POLR2C: variants seen among roughly 807,000 people sequenced by gnomAD.
POLR2C encodes the protein RNA polymerase II subunit C.
In POLR2C, 36 loss-of-function variants were observed where a neutral mutation model predicts 41.7. The observed-to-expected ratio is 0.86, with a 90% CI of 0.66 to 1.14. The LOEUF (loss-of-function observed/expected upper bound fraction) is 1.14, where lower values mean the gene tolerates loss of function less well. POLR2C is among the 50% of genes most tolerant of loss of function. The pLI, the probability that POLR2C is intolerant of heterozygous loss-of-function variation, is 0.00. For synonymous variants in POLR2C, 133 were observed against 137.8 expected, an observed-to-expected ratio of 0.96 and a Z score of 0.25; for missense variants, 260 against 350.4, an observed-to-expected ratio of 0.74 and a Z score of 2.06.
At chr16:57,465,888 C>A in intron 2 of POLR2C, 65 bp from the exon 3 acceptor site, 1 of 977,624 alleles carries the variant, frequency 1.0e-6, no homozygotes, top group South Asian at 1.3e-5. Flanking sequence ...TCTTGAGAAC[C>A]ACTGCATTAA....
rs536816128 is a variant in POLR2C at position 57,467,929 on chromosome 16, C to T, written c.259-1236C>T. 2.6e-5 allele frequency among the ~76,000 whole-genome samples: 4 copies of T among 152,290 alleles called. No individual in the cohort carries two copies. In the South Asian group the frequency reaches 6.2e-4, roughly 24 times the overall value. ...TTTTCATCTCAAACAGACTCCTCTC[C>T]TTTCAGTACATTTTTTTTAGGTTAA... On this transcript the variant is annotated intron_variant, in intron 4 of 8. Coordinates refer to ENST00000219252, the MANE Select transcript of POLR2C (RefSeq NM_032940.3).
In POLR2C at chr16:57,471,874, A is replaced by G. The variant is rs1247131028; in HGVS notation, c.*755A>G. 2 of 152,610 alleles carry G rather than the reference A, an allele frequency of 1.3e-5. No homozygotes were observed. Among genetic ancestry groups the G allele is most frequent in the African/African-American group, 4.8e-5 (2 of 41,470 alleles). 9.5% of individuals were successfully genotyped at this position (152,610 alleles called of 1,614,324 possible). ...CTCAGCACTGTCTCCAGATAGGAAC[A>G]TGCACAAAGCAGTTAATTAGGCAGC... On this transcript the variant is annotated 3_prime_UTR_variant, in exon 9 of 9. Transcript: ENST00000219252.
rs146083652 is a variant in POLR2C, at chr16:57,465,720, T to G, written c.137-233T>G. On this transcript the variant is annotated intron_variant, in intron 2 of 8. Transcript: ENST00000219252. ...TCTATGATATTCTATAAGTCAGTGTTTTCTGTGAAGCAGGGAGCCCCCTGC... is the reference window on the plus strand; with the variant it reads ...TCTATGATATTCTATAAGTCAGTGTGTTCTGTGAAGCAGGGAGCCCCCTGC... 2.7e-3 allele frequency: 1,362 copies of G among 510,622 alleles called. 9 individuals carry two copies. The highest frequency in any genetic ancestry group is 9.8e-3 in the Middle Eastern group (19 of 1,948). The allele number at this position is 510,622 out of a possible 1,614,324, so 31.6% of individuals were successfully genotyped here. A position where few individuals can be genotyped will look rare whatever the true frequency, so the allele number is the denominator to read the frequency against.
chr16:57,462,729 C>A lies in POLR2C; in HGVS notation c.5C>A (p.Pro2Gln). 6.3e-7 allele frequency: 1 copy of A among 1,599,010 alleles called. No homozygotes were observed. The highest frequency in any genetic ancestry group is 8.5e-7 in the Non-Finnish European group (1 of 1,172,886). The stretch of plus-strand genomic sequence containing the variant: ...GGCTGGTGGCCCCTGGGCGAGATGC[C>A]GTACGCCAACCAGCCTACCGTGCGG... M[P>Q]YANQPTVRIT... Residue 2 changes from proline (P) to glutamine (Q), a missense_variant, in exon 1 of 9, where the codon CCG becomes CAG. Transcript: ENST00000219252.
In POLR2C at chr16:57,462,692, A is replaced by G; in HGVS notation, c.-33A>G. 1 of 1,529,040 alleles carries G rather than the reference A, an allele frequency of 6.5e-7. No homozygotes were observed. 94.7% of individuals were successfully genotyped at this position (1,529,040 alleles called of 1,614,324 possible). On this transcript the variant is annotated 5_prime_UTR_variant, in exon 1 of 9. Transcript: ENST00000219252. ...CGGTGGCGCCGCGCAGTCACCGCGG[A>G]GCAGACGCGGAGGCTGGTGGCCCCT... is the stretch of plus-strand genomic sequence containing the variant.
At position 57,462,701 on chromosome 16, in the gene POLR2C, G is replaced by C. The variant is rs1398436001; in HGVS notation, c.-24G>C. On this transcript the variant is annotated 5_prime_UTR_variant, in exon 1 of 9. Coordinates refer to ENST00000219252, the MANE Select transcript of POLR2C (RefSeq NM_032940.3). ...CGCGCAGTCACCGCGGAGCAGACGC[G>C]GAGGCTGGTGGCCCCTGGGCGAGAT... 6.4e-7 allele frequency: 1 copy of C among 1,566,086 alleles called. No individual in the cohort carries two copies. Among genetic ancestry groups the C allele is most frequent in the Non-Finnish European group, 8.7e-7 (1 of 1,151,014 alleles).
rs2030823520 is a variant in POLR2C at position 57,471,027 on chromosome 16, C to T, written c.736C>T (p.Leu246=). The change falls in exon 9 of 9, where the codon CTG becomes TTG. Residue 246 remains leucine, a synonymous_variant. Transcript: ENST00000219252. ...CGSLRPETIV[L]SALSGLKKKL... ...CTCTCTGCGTCCTGAAACCATTGTC[C>T]TGTCAGCCCTCTCAGGATTGAAGAA... is the stretch of plus-strand genomic sequence containing the variant. The T allele has an allele frequency of 3.1e-6, 5 of 1,613,584 alleles. No homozygotes were observed. Among genetic ancestry groups the T allele is most frequent in the Middle Eastern group, 1.6e-4 (1 of 6,062 alleles).
chr16:57,462,884 G>A, intron 1 of POLR2C, 74 bp downstream of exon 1: 1 of 1,283,518 alleles, frequency 7.8e-7, no homozygotes, highest in Non-Finnish European at 1.1e-6. Context: ...GGGGCAGGGG[G>A]CGGGGGTGTA....
intron 4 of POLR2C, 49 bp downstream of exon 4, chr16:57,466,276 G>A: frequency 1.6e-6 from 2 of 1,248,022 alleles, no homozygotes; most frequent in Non-Finnish European, 2.3e-6. Flanking sequence ...GGAGGCTTTG[G>A]TTCTCAAAGG....
chr16:57,462,720 G>A lies in POLR2C; in HGVS notation c.-5G>A. 6.3e-7 allele frequency: 1 copy of A among 1,592,942 alleles called. No individual in the cohort carries two copies. Among genetic ancestry groups the A allele is most frequent in the Non-Finnish European group, 8.5e-7 (1 of 1,170,620 alleles). ...AGACGCGGAGGCTGGTGGCCCCTGGGCGAGATGCCGTACGCCAACCAGCCT... is the reference window on the plus strand; with the variant it reads ...AGACGCGGAGGCTGGTGGCCCCTGGACGAGATGCCGTACGCCAACCAGCCT... On this transcript the variant is annotated 5_prime_UTR_variant, in exon 1 of 9. Transcript: ENST00000219252.
rs76627522 is a variant in POLR2C at position 57,467,307 on chromosome 16, C to A, written c.258+1080C>A. Among the ~76,000 whole-genome samples the A allele has an allele frequency of 3.6e-3, 551 of 152,314 alleles. 3 individuals carry two copies. The highest frequency in any genetic ancestry group is 0.013 in the African/African-American group (537 of 41,568). Reference sequence around the variant, plus strand: ...ATACTCATGCTTCTACCTAATACTACGTTGTCACATTTTAACATTTTGCCC... The same window carrying A: ...ATACTCATGCTTCTACCTAATACTAAGTTGTCACATTTTAACATTTTGCCC... On this transcript the variant is annotated intron_variant, in intron 4 of 8. Coordinates refer to ENST00000219252, the MANE Select transcript of POLR2C (RefSeq NM_032940.3).
Position 57,466,224 on chromosome 16 carries a change from T to C in POLR2C, c.255T>C (p.Ser85=). 6.3e-7 allele frequency: 1 copy of C among 1,584,386 alleles called. No homozygotes were observed. Among genetic ancestry groups the C allele is most frequent in the Non-Finnish European group, 8.6e-7 (1 of 1,164,784 alleles). Residue 85 remains serine, a synonymous_variant, in exon 4 of 9, where the codon TCT becomes TCC. Transcript: ENST00000219252. ...SDDIVDKLQY[S]RDCTCEEFCP... ...ACATTGTGGACAAGCTGCAGTACTC[T>C]CGGGTATGTTGTGTGATTGGGTGGA... is the stretch of plus-strand genomic sequence containing the variant.
intron 2 of POLR2C, chr16:57,463,645 A>T (rs2030635630): frequency 2.2e-6 from 1 of 454,540 alleles, no homozygotes; most frequent in Non-Finnish European, 4.4e-6. Flanking sequence ...TTCCTGTGTT[A>T]ATTCTCTTAG....
chr16:57,471,053 G>A lies in POLR2C; in HGVS notation c.762G>A (p.Lys254=). Residue 254 remains lysine, a synonymous_variant, in exon 9 of 9, where the codon AAG becomes AAA. Coordinates refer to ENST00000219252, the MANE Select transcript of POLR2C (RefSeq NM_032940.3). ...IVLSALSGLK[K]KLSDLQTQLS... ...TGTCAGCCCTCTCAGGATTGAAGAAGAAACTGAGTGATTTACAAACTCAAT... is the reference window on the plus strand; with the variant it reads ...TGTCAGCCCTCTCAGGATTGAAGAAAAAACTGAGTGATTTACAAACTCAAT... The A allele has an allele frequency of 6.2e-7, 1 of 1,613,200 alleles. No individual in the cohort carries two copies. Among genetic ancestry groups the A allele is most frequent in the Non-Finnish European group, 8.5e-7 (1 of 1,179,120 alleles).
chr16:57,469,264 C>T lies in POLR2C; in HGVS notation c.358C>T (p.Leu120Phe), dbSNP rs1370308340. ...DQTRHVTSRD[L>F]ISNSPRVIPV... is the part of the protein sequence containing the mutation. The stretch of plus-strand genomic sequence containing the variant: ...GACGCGACATGTCACGTCTCGAGAC[C>T]TCATCTCCAACAGCCCCCGGGTCAT... The change falls in exon 5 of 9, where the codon CTC becomes TTC. Residue 120 changes from leucine (L) to phenylalanine (F), a missense_variant. Transcript: ENST00000219252. This position sits in a 1 kb window ranked among gnomAD's most constrained non-coding sequence, Gnocchi z 5.8. 3 of 1,614,062 alleles carry T rather than the reference C, an allele frequency of 1.9e-6. No individual in the cohort carries two copies. The highest frequency in any genetic ancestry group is 3.3e-5 in the Admixed American group (2 of 60,008).
chr16:57,465,142 G>A (rs1172021058), intron 2 of POLR2C, among the ~76,000 whole-genome samples: 2 of 152,168 alleles, frequency 1.3e-5, no homozygotes, highest in Non-Finnish European at 2.9e-5. Context: ...GGATTAAAGA[G>A]GCAGAAAAGC....
intron 2 of POLR2C, chr16:57,463,315 G>C (rs1230221912): frequency 2.3e-5 from 14 of 598,946 alleles, no homozygotes; most frequent in Non-Finnish European, 4.2e-5. Flanking sequence ...GAGAAGCATG[G>C]GTTTAGCAGT....
chr16:57,469,812 G>C lies in POLR2C; in HGVS notation c.439+51G>C. The C allele has an allele frequency of 6.3e-7, 1 of 1,584,116 alleles. No homozygotes were observed. Among genetic ancestry groups the C allele is most frequent in the Non-Finnish European group, 8.7e-7 (1 of 1,153,862 alleles). On this transcript the variant is annotated intron_variant, in intron 6 of 8. Transcript: ENST00000219252. The surrounding 1 kb of genome is among the most constrained non-coding windows in gnomAD (Gnocchi z 5.8). ...GTGGGCCAGCGGGAAGGAGGGACCA[G>C]ACACAGCCTCTCGTGCTGCCTGGTC...
chr16:57,467,227 C>T (rs1346242921), intron 4 of POLR2C, among the ~76,000 whole-genome samples: 6 of 152,104 alleles, frequency 3.9e-5, no homozygotes, highest in South Asian at 2.1e-4. Flanking sequence ...AGTGAGACTC[C>T]GTCTCAAAAA....
Sources: allele counts gnomAD v4.1 joint callset (sites outside exome capture counted in the v4.1 genomes callset), GRCh38; gene constraint gnomAD v4.1.1; non-coding constraint Gnocchi (gnomAD v3.1); transcripts MANE v1.5; gene names NCBI Gene and HGNC (gene_info 2026-07-23, HGNC 2026-07-21).